Variants in LINGO2 observed in about 807,000 individuals in gnomAD.
LINGO2 encodes leucine rich repeat and Ig domain containing 2, also known as leucine-rich repeat and immunoglobulin-like domain-containing nogo receptor-interacting protein 2.
In LINGO2, 14 loss-of-function variants were observed where a neutral mutation model predicts 30.6. The observed-to-expected ratio is 0.46, with a 90% CI of 0.30 to 0.72. The LOEUF is 0.72. Among genes scored for constraint, LINGO2 ranks in the 30% least tolerant of loss-of-function variants. LINGO2 has a pLI of 0.07. For missense variants in LINGO2, 729 were observed against 751.7 expected (o/e 0.97, Z 0.35); for synonymous variants, 317 against 288.5 (o/e 1.10, Z -1.00).
At chr9:28,126,484 G>T (rs1452337) in intron 4 of LINGO2, among the ~76,000 whole-genome samples, 37,449 of 152,000 alleles carry the variant, frequency 0.25, 4,654 homozygotes, top group Middle Eastern at 0.38. Flanking sequence ...AACTGATGTT[G>T]CTGTCCCTTT....
At chr9:29,014,298 C>T in the LINGO2 span, among the ~76,000 whole-genome samples, 1 of 152,118 alleles carries the variant, frequency 6.6e-6, no homozygotes, top group Non-Finnish European at 1.5e-5. Context: ...AATTTCTTGT[C>T]CCAAAGACTC....
rs550935912 is a variant in LINGO2, at chr9:28,594,662, G to A, written c.-365+75538C>T. ...ACAATTGTGTAATTACAGCAGCCAAGGCTTAAGTTAATGAGTTTCCTAAAT... is the reference window on the plus strand; with the variant it reads ...ACAATTGTGTAATTACAGCAGCCAAAGCTTAAGTTAATGAGTTTCCTAAAT... On this transcript the variant is annotated intron_variant, in intron 1 of 5. Coordinates refer to ENST00000379992, the Ensembl canonical transcript of LINGO2. Among the ~76,000 whole-genome samples, 7 of 152,182 alleles carry A rather than the reference G, an allele frequency of 4.6e-5. No homozygotes were observed. The South Asian group carries it at 1.4e-3, about 32-fold the overall frequency.
intron 4 of LINGO2, among the ~76,000 whole-genome samples, chr9:28,245,832 T>C (rs556541014): frequency 4.0e-4 from 61 of 152,284 alleles, no homozygotes; most frequent in East Asian, 7.7e-4. Context: ...TCCTCATGGA[T>C]AGGAAGAATC....
chr9:28,613,521 G>T (rs1289792565), intron 1 of LINGO2, among the ~76,000 whole-genome samples: 2 of 151,464 alleles, frequency 1.3e-5, no homozygotes. Context: ...CTACCTATAT[G>T]TAGACATACT....
At chr9:28,167,711 G>A (rs1214460027) in intron 4 of LINGO2, among the ~76,000 whole-genome samples, 3 of 152,084 alleles carry the variant, frequency 2.0e-5, no homozygotes, top group Non-Finnish European at 4.4e-5. Context: ...TAAAGCAGTT[G>A]TTTTCTATTT....
chr9:29,195,272 A>G, the LINGO2 span, among the ~76,000 whole-genome samples: 2 of 152,040 alleles, frequency 1.3e-5, no homozygotes, highest in Non-Finnish European at 2.9e-5. Context: ...CACCTAATAG[A>G]GAACATTTTA....
intron 4 of LINGO2, among the ~76,000 whole-genome samples, chr9:28,283,545 T>C (rs921459709): frequency 6.6e-6 from 1 of 152,188 alleles, no homozygotes; most frequent in Non-Finnish European, 1.5e-5. Flanking sequence ...GGCATAGGGA[T>C]TGGATTATTA....
chr9:29,120,820 A>G, the LINGO2 span, among the ~76,000 whole-genome samples: 6 of 152,326 alleles, frequency 3.9e-5, no homozygotes, highest in East Asian at 1.2e-3. Flanking sequence ...TTCCTCATTC[A>G]TAAAATAAAG....
intron 5 of LINGO2, among the ~76,000 whole-genome samples, chr9:27,987,523 C>A (rs994051923): frequency 2.0e-5 from 3 of 151,862 alleles, no homozygotes; most frequent in African/African-American, 7.2e-5. Flanking sequence ...ACAGCTAAGA[C>A]AATAGCTCTA....
At chr9:29,151,912 G>A in the LINGO2 span, among the ~76,000 whole-genome samples, 6 of 152,028 alleles carry the variant, frequency 3.9e-5, no homozygotes, top group Non-Finnish European at 5.9e-5. Flanking sequence ...AACACACAAC[G>A]TCCCAAGATT....
Position 28,266,617 on chromosome 9 carries a change from G to A in LINGO2, c.-87+28591C>T, listed in dbSNP as rs1239455002. On this transcript the variant is annotated intron_variant, in intron 4 of 5. Coordinates refer to ENST00000379992, the Ensembl canonical transcript of LINGO2. ...TTTGGTTATCTCTTTGGTTACCTGT[G>A]GATTATCTCATTTTTTTCCTAATAT... 2.6e-5 allele frequency among the ~76,000 whole-genome samples: 4 copies of A among 151,988 alleles called. 1 individual carries two copies. The highest frequency in any genetic ancestry group is 1.9e-4 in the East Asian group (1 of 5,164).
the LINGO2 span, among the ~76,000 whole-genome samples, chr9:28,963,512 A>G: frequency 6.7e-6 from 1 of 150,104 alleles, no homozygotes; most frequent in South Asian, 2.1e-4. Flanking sequence ...GTATATATCA[A>G]TGGATGAATA....
At chr9:28,547,102 G>T (rs561702456) in intron 1 of LINGO2, among the ~76,000 whole-genome samples, 63 of 152,036 alleles carry the variant, frequency 4.1e-4, no homozygotes, top group Non-Finnish European at 7.4e-4. Context: ...CACTAAACAT[G>T]TCTCCATTTG....
chr9:28,832,204 A>C, the LINGO2 span, among the ~76,000 whole-genome samples: 1 of 152,192 alleles, frequency 6.6e-6, no homozygotes, highest in Non-Finnish European at 1.5e-5. Flanking sequence ...AGTTGGCAAG[A>C]TGTTAAAAGG....
At chr9:29,139,253 G>T in the LINGO2 span, among the ~76,000 whole-genome samples, 1 of 152,072 alleles carries the variant, frequency 6.6e-6, no homozygotes, top group African/African-American at 2.4e-5. Flanking sequence ...TGAAGCCCTA[G>T]CCTAATACCT....
intron 1 of LINGO2, among the ~76,000 whole-genome samples, chr9:28,633,867 A>G (rs886264939): frequency 6.6e-6 from 1 of 152,208 alleles, no homozygotes; most frequent in African/African-American, 2.4e-5. Flanking sequence ...ATGAGTAAAT[A>G]GTTTAGAATT....
At position 27,950,619 on chromosome 9, in the gene LINGO2, A is replaced by C. The variant is rs1451741510; in HGVS notation, c.53T>G (p.Val18Gly). The C allele has an allele frequency of 2.6e-6, 4 of 1,516,840 alleles. No individual in the cohort carries two copies. Among genetic ancestry groups the C allele is most frequent in the Non-Finnish European group, 3.5e-6 (4 of 1,133,414 alleles). 94.0% of individuals were successfully genotyped at this position (1,516,840 alleles called of 1,614,324 possible). A position where few individuals can be genotyped will look rare whatever the true frequency, so the allele number is the denominator to read the frequency against. The change falls in exon 6 of 6, where the codon GTG becomes GGG. Residue 18 changes from valine (V) to glycine (G), a missense_variant. Coordinates refer to ENST00000379992, the Ensembl canonical transcript of LINGO2. ...AATGGTGGATCCCATGAAGATTAACACCACAGCCAGACCCAGGAATGGCTG... is the reference window on the plus strand; with the variant it reads ...AATGGTGGATCCCATGAAGATTAACCCCACAGCCAGACCCAGGAATGGCTG...
intron 1 of LINGO2, among the ~76,000 whole-genome samples, chr9:28,590,087 A>G (rs1298891569): frequency 1.3e-5 from 2 of 152,170 alleles, no homozygotes; most frequent in East Asian, 3.9e-4. Context: ...GGTGCTGGGA[A>G]AACTGGCTAG....
At chr9:28,279,396 T>A (rs941192058) in intron 4 of LINGO2, among the ~76,000 whole-genome samples, 4 of 152,182 alleles carry the variant, frequency 2.6e-5, no homozygotes, top group African/African-American at 9.7e-5. Context: ...GAAGTATCAA[T>A]TGATGTGGCA....
Sources: allele counts gnomAD v4.1 joint callset (sites outside exome capture counted in the v4.1 genomes callset), GRCh38; gene constraint gnomAD v4.1.1; transcripts MANE v1.5; gene names NCBI Gene and HGNC (gene_info 2026-07-23, HGNC 2026-07-21).